Variants in TNIK observed in about 807,000 individuals in gnomAD.
TNIK encodes TRAF2 and NCK-interacting protein kinase.
TNIK carries 49 observed loss-of-function variants against 191.3 expected under a neutral mutation model. The ratio of observed to expected loss-of-function variants is 0.26; its 90% CI spans 0.20 to 0.32. The LOEUF is 0.32. Among genes scored for constraint, TNIK ranks in the 10% least tolerant of loss-of-function variants. The pLI, the probability that TNIK is intolerant of heterozygous loss-of-function variation, is 1.00. For missense variants in TNIK, 1,155 were observed against 1,702.3 expected, an observed-to-expected ratio of 0.68 and a Z score of 5.66; for synonymous variants, 594 against 600.9, an observed-to-expected ratio of 0.99 and a Z score of 0.17.
intron 2 of TNIK, among the ~76,000 whole-genome samples, chr3:171,262,554 C>T (rs1747778062): frequency 6.6e-6 from 1 of 152,198 alleles, no homozygotes; most frequent in African/African-American, 2.4e-5. Flanking sequence ...TAAAGCTGCC[C>T]ATTCCTAATC....
chr3:171,454,235 A>G (rs1182057064), intron 1 of TNIK, among the ~76,000 whole-genome samples: 1 of 152,188 alleles, frequency 6.6e-6, no homozygotes, highest in Admixed American at 6.5e-5. Context: ...CAATCACAGG[A>G]GCGCCTGGCT....
At chr3:171,386,538 T>C (rs1718761252) in intron 1 of TNIK, among the ~76,000 whole-genome samples, 1 of 152,204 alleles carries the variant, frequency 6.6e-6, no homozygotes, top group African/African-American at 2.4e-5. Context: ...AGGGATGTTT[T>C]GATAAAGACA....
intron 2 of TNIK, among the ~76,000 whole-genome samples, chr3:171,293,654 A>G (rs1388593895): frequency 6.6e-6 from 1 of 152,238 alleles, no homozygotes; most frequent in Non-Finnish European, 1.5e-5. Flanking sequence ...GCTAGAAATG[A>G]ATAACATTTT....
At chr3:171,337,910 A>G (rs1757119661) in intron 2 of TNIK, among the ~76,000 whole-genome samples, 1 of 152,186 alleles carries the variant, frequency 6.6e-6, no homozygotes, top group Non-Finnish European at 1.5e-5. Flanking sequence ...AAAATAGGAA[A>G]CTGATAGAGA....
At chr3:171,380,899 G>A (rs1717940262) in intron 1 of TNIK, among the ~76,000 whole-genome samples, 2 of 152,344 alleles carry the variant, frequency 1.3e-5, no homozygotes, top group East Asian at 3.9e-4. Flanking sequence ...ACAGCCAGGA[G>A]CCCAATAATA....
chr3:171,262,544 T>C (rs1747777093), intron 2 of TNIK, among the ~76,000 whole-genome samples: 1 of 152,162 alleles, frequency 6.6e-6, no homozygotes, highest in Non-Finnish European at 1.5e-5. Context: ...AAGTGAGAAA[T>C]AAAGCTGCCC....
intron 1 of TNIK, among the ~76,000 whole-genome samples, chr3:171,443,061 C>T (rs1215834717): frequency 1.3e-5 from 2 of 152,328 alleles, no homozygotes; most frequent in South Asian, 2.1e-4. Flanking sequence ...GAAAGCACTA[C>T]AGCGCTTTAT....
At chr3:171,304,959 G>T (rs1334837882) in intron 2 of TNIK, among the ~76,000 whole-genome samples, 1 of 144,416 alleles carries the variant, frequency 6.9e-6, no homozygotes, top group African/African-American at 2.6e-5. Context: ...GGATACATAT[G>T]TAACAAACCT....
At chr3:171,341,761 A>C (rs1032895395) in intron 2 of TNIK, among the ~76,000 whole-genome samples, 3 of 152,106 alleles carry the variant, frequency 2.0e-5, no homozygotes, top group Non-Finnish European at 4.4e-5. Flanking sequence ...GTTACAGTCT[A>C]ATAGGAGAGA....
At chr3:171,446,049 A>G (rs1393217267) in intron 1 of TNIK, among the ~76,000 whole-genome samples, 1 of 152,210 alleles carries the variant, frequency 6.6e-6, no homozygotes, top group East Asian at 1.9e-4. Context: ...TTCTGCCATC[A>G]GGCTGAACTG....
intron 1 of TNIK, among the ~76,000 whole-genome samples, chr3:171,413,991 A>G (rs1184602587): frequency 1.3e-5 from 2 of 152,216 alleles, no homozygotes; most frequent in African/African-American, 4.8e-5. Context: ...CCCATTTCTC[A>G]CACGTTTTTA....
chr3:171,231,541 T>TATCCC (rs988359558), intron 2 of TNIK, among the ~76,000 whole-genome samples: 3 of 152,086 alleles, frequency 2.0e-5, no homozygotes, highest in African/African-American at 4.8e-5. Context: ...CAGGCAAAGG[T>TATCCC]ATCCCCACGC....
chr3:171,244,448 T>G (rs928544485), intron 2 of TNIK, among the ~76,000 whole-genome samples: 3 of 152,214 alleles, frequency 2.0e-5, no homozygotes, highest in Admixed American at 1.3e-4. Flanking sequence ...ATCAGGATTC[T>G]AATACTTCTC....
intron 1 of TNIK, among the ~76,000 whole-genome samples, chr3:171,384,069 T>A (rs751306689): frequency 2.6e-5 from 4 of 152,228 alleles, no homozygotes; most frequent in African/African-American, 7.2e-5. Context: ...CCCTTTTTGT[T>A]CTTGCTATCC....
intron 30 of TNIK, among the ~76,000 whole-genome samples, chr3:171,067,594 C>T (rs1226137901): frequency 6.7e-6 from 1 of 149,630 alleles, no homozygotes; most frequent in Non-Finnish European, 1.5e-5. Context: ...GGTGTGAACC[C>T]AGGAGAGGCG....
chr3:171,087,232 C>T (rs956946183), intron 24 of TNIK, 110 bp downstream of exon 24: 1 of 1,491,110 alleles, frequency 6.7e-7, no homozygotes. Flanking sequence ...TAGAAACCAA[C>T]CAAACAAGTT....
intron 12 of TNIK, among the ~76,000 whole-genome samples, chr3:171,154,477 G>A (rs1333247274): frequency 6.6e-6 from 1 of 152,062 alleles, no homozygotes; most frequent in Non-Finnish European, 1.5e-5. Context: ...TTACAGGCAC[G>A]CTCCCCAAAA....
At chr3:171,377,098 G>T (rs951022008) in intron 1 of TNIK, among the ~76,000 whole-genome samples, 14 of 152,214 alleles carry the variant, frequency 9.2e-5, no homozygotes, top group Middle Eastern at 3.2e-3. Context: ...GGGCTGTCCT[G>T]AGTGTAGGCT....
At chr3:171,351,271 A>ATGTGTGTGTGTG (rs1335605618) in intron 2 of TNIK, among the ~76,000 whole-genome samples, 8 of 150,246 alleles carry the variant, frequency 5.3e-5, no homozygotes, top group African/African-American at 2.0e-4. Flanking sequence ...ATATGTATAT[A>ATGTGTGTGTGTG]TGTGTGTGTG....
Sources: allele counts gnomAD v4.1 joint callset (sites outside exome capture counted in the v4.1 genomes callset), GRCh38; gene constraint gnomAD v4.1.1; transcripts MANE v1.5; gene names NCBI Gene and HGNC (gene_info 2026-07-23, HGNC 2026-07-21).